Variants in SIPA1L2 observed in about 807,000 individuals in gnomAD.
The protein encoded by SIPA1L2 is signal induced proliferation associated 1 like 2.
A neutral mutation model predicts 163.9 loss-of-function variants in SIPA1L2; 56 were observed. The observed-to-expected ratio is 0.34, with a 90% CI of 0.28 to 0.43. The LOEUF (loss-of-function observed/expected upper bound fraction) is 0.43. Among genes scored for constraint, SIPA1L2 ranks in the 20% least tolerant of loss-of-function variants. SIPA1L2 has a pLI of 1.00. For missense variants in SIPA1L2, 1,974 were observed against 2,193.5 expected (o/e 0.90, Z 2.00); for synonymous variants, 877 against 865.7 (o/e 1.01, Z -0.23).
At chr1:232,521,794 T>C (rs1667470594) in intron 2 of SIPA1L2, among the ~76,000 whole-genome samples, 3 of 152,168 alleles carry the variant, frequency 2.0e-5, no homozygotes, top group Admixed American at 2.0e-4. Context: ...TTTTTCAGGG[T>C]TTACCCTAGC....
chr1:232,451,472 G>A (rs1452141082), intron 10 of SIPA1L2, among the ~76,000 whole-genome samples: 1 of 152,096 alleles, frequency 6.6e-6, no homozygotes, highest in Non-Finnish European at 1.5e-5. Flanking sequence ...GTTAAATAAA[G>A]GCTAACTGAA....
chr1:232,479,605 C>A, intron 7 of SIPA1L2, 22 bp downstream of exon 7: 1 of 1,598,866 alleles, frequency 6.3e-7, no homozygotes, highest in Non-Finnish European at 8.6e-7. Flanking sequence ...GCGTAAAAAG[C>A]TCCAGGCTGG....
intron 2 of SIPA1L2, among the ~76,000 whole-genome samples, chr1:232,563,431 T>C (rs1163595699): frequency 1.3e-5 from 2 of 152,056 alleles, no homozygotes; most frequent in African/African-American, 2.4e-5. Flanking sequence ...GTGGGGTGCA[T>C]GACTGAGCCA....
intron 1 of SIPA1L2, among the ~76,000 whole-genome samples, chr1:232,591,954 G>A (rs1042341503): frequency 2.6e-5 from 4 of 152,260 alleles, no homozygotes; most frequent in South Asian, 2.1e-4. Context: ...TGTAAGTGCC[G>A]CCTGCCATCA....
In SIPA1L2 at chr1:232,441,478, T is replaced by A. The variant is rs141317476; in HGVS notation, c.3539-84A>T. On this transcript the variant is annotated intron_variant, in intron 13 of 22. Coordinates refer to ENST00000674635, the MANE Select transcript of SIPA1L2 (RefSeq NM_020808.5). Reference sequence around the variant, plus strand: ...AGAAAACCAGGAGTCAGACAAGTGGTTTGGTAAACATGAACAGGCTTGTGG... The same window carrying A: ...AGAAAACCAGGAGTCAGACAAGTGGATTGGTAAACATGAACAGGCTTGTGG... The A allele has an allele frequency of 1.1e-4, 125 of 1,149,760 alleles. No individual in the cohort carries two copies. The East Asian group carries it at 2.7e-3, about 25-fold the overall frequency. 71.2% of individuals were successfully genotyped at this position (1,149,760 alleles called of 1,614,324 possible). A position where few individuals can be genotyped will look rare whatever the true frequency, so the allele number is the denominator to read the frequency against.
At position 232,428,524 on chromosome 1, in the gene SIPA1L2, G is replaced by T; in HGVS notation, c.4297C>A (p.His1433Asn). 6.3e-7 allele frequency: 1 copy of T among 1,591,064 alleles called. No individual in the cohort carries two copies. ...ACAGCATCTCCCACCACTGTCTGATGCTGAGTTGCTGTGGACATGACATCC... is the reference window on the plus strand; with the variant it reads ...ACAGCATCTCCCACCACTGTCTGATTCTGAGTTGCTGTGGACATGACATCC... ...EMDVMSTATQ[H>N]QTVVGDAVAE... The change falls in exon 17 of 23, where the codon CAT (histidine) becomes AAT (asparagine). Residue 1433 changes from histidine to asparagine, a missense_variant. By Grantham distance (68) the His-to-Asn change is moderately conservative (BLOSUM62 1). Coordinates refer to ENST00000674635, the MANE Select transcript of SIPA1L2 (RefSeq NM_020808.5).
intron 3 of SIPA1L2, among the ~76,000 whole-genome samples, chr1:232,503,293 G>A (rs1238867756): frequency 6.6e-6 from 1 of 152,194 alleles, no homozygotes; most frequent in Admixed American, 6.5e-5. Context: ...TTTCTGTGGT[G>A]CATTGTAACT....
At chr1:232,532,115 G>A (rs1282706649) in intron 2 of SIPA1L2, among the ~76,000 whole-genome samples, 1 of 152,174 alleles carries the variant, frequency 6.6e-6, no homozygotes, top group Non-Finnish European at 1.5e-5. Flanking sequence ...AAGGATGGAG[G>A]TAAGGCCACT....
At chr1:232,463,286 G>T (rs1664334919) in intron 9 of SIPA1L2, among the ~76,000 whole-genome samples, 1 of 152,104 alleles carries the variant, frequency 6.6e-6, no homozygotes, top group Non-Finnish European at 1.5e-5. Flanking sequence ...CCTGAGAATG[G>T]ATACTGAGTT....
chr1:232,512,767 C>G (rs575260900), intron 3 of SIPA1L2, among the ~76,000 whole-genome samples: 28 of 152,180 alleles, frequency 1.8e-4, no homozygotes, highest in Non-Finnish European at 2.9e-4. Flanking sequence ...TGTAAAAAAC[C>G]TGCATGTTCA....
At chr1:232,524,285 T>C (rs532514813) in intron 2 of SIPA1L2, among the ~76,000 whole-genome samples, 1 of 152,194 alleles carries the variant, frequency 6.6e-6, no homozygotes, top group South Asian at 2.1e-4. Context: ...ATAGAAGAAA[T>C]GAAGTTAAAA....
intron 10 of SIPA1L2, among the ~76,000 whole-genome samples, chr1:232,453,986 T>A (rs1453875182): frequency 6.6e-6 from 1 of 152,192 alleles, no homozygotes; most frequent in Non-Finnish European, 1.5e-5. Flanking sequence ...TGCTAATAGC[T>A]AAAATACTCC....
intron 18 of SIPA1L2, among the ~76,000 whole-genome samples, chr1:232,420,611 G>A (rs555189581): frequency 3.3e-5 from 5 of 152,196 alleles, no homozygotes; most frequent in South Asian, 2.1e-4. Flanking sequence ...CGAGGCGGGC[G>A]GATCACGAGA....
intron 2 of SIPA1L2, among the ~76,000 whole-genome samples, chr1:232,558,893 C>G (rs111557401): frequency 4.6e-5 from 7 of 152,326 alleles, no homozygotes; most frequent in African/African-American, 1.7e-4. Context: ...TCTCACCTCT[C>G]AGGGTAGAAG....
intron 1 of SIPA1L2, among the ~76,000 whole-genome samples, chr1:232,597,438 G>A (rs536137739): frequency 6.6e-6 from 1 of 151,802 alleles, no homozygotes; most frequent in Admixed American, 6.6e-5. Context: ...AGCACTTTGG[G>A]AGGCCAAGGT....
At chr1:232,463,606 C>T (rs1383564991) in intron 9 of SIPA1L2, among the ~76,000 whole-genome samples, 1 of 152,182 alleles carries the variant, frequency 6.6e-6, no homozygotes, top group Non-Finnish European at 1.5e-5. Flanking sequence ...AGGGAAAGTA[C>T]ATTTTTGTGG....
intron 2 of SIPA1L2, among the ~76,000 whole-genome samples, chr1:232,527,725 CTTTT>C (rs57868657): frequency 3.3e-4 from 27 of 80,946 alleles, no homozygotes; most frequent in Admixed American, 2.3e-3. Flanking sequence ...TCTTCTTCTT[CTTTT>C]TTTTTTTTTT....
At chr1:232,474,649 G>C (rs1291200456) in intron 7 of SIPA1L2, among the ~76,000 whole-genome samples, 1 of 152,112 alleles carries the variant, frequency 6.6e-6, no homozygotes, top group Admixed American at 6.5e-5. Context: ...AGTGTTTGTG[G>C]TAACAGATAT....
chr1:232,536,807 A>T (rs1317271323), intron 2 of SIPA1L2, among the ~76,000 whole-genome samples: 1 of 152,224 alleles, frequency 6.6e-6, no homozygotes, highest in Non-Finnish European at 1.5e-5. Flanking sequence ...CAGGAGGAGT[A>T]GTTGAGGTGA....
Sources: allele counts gnomAD v4.1 joint callset (sites outside exome capture counted in the v4.1 genomes callset), GRCh38; gene constraint gnomAD v4.1.1; transcripts MANE v1.5; gene names NCBI Gene and HGNC (gene_info 2026-07-23, HGNC 2026-07-21).